The following RNF144A variants were observed in gnomAD, a reference collection of about 807,000 sequenced individuals.
RNF144A encodes E3 ubiquitin-protein ligase RNF144A.
In RNF144A, 11 loss-of-function variants were observed where a neutral mutation model predicts 38.7. That is an observed-to-expected ratio of 0.28 (90% CI 0.18 to 0.47). The LOEUF (loss-of-function observed/expected upper bound fraction) is 0.47. Ranked by LOEUF, RNF144A falls within the 20% of genes least tolerant of loss-of-function variation. The pLI is 0.99. For missense variants in RNF144A, 316 were observed against 377.2 expected (o/e 0.84, Z 1.34); for synonymous variants, 149 against 143.9 (o/e 1.04, Z -0.25).
chr2:7,000,723 T>A (rs1338799885), intron 3 of RNF144A, among the ~76,000 whole-genome samples: 1 of 152,112 alleles, frequency 6.6e-6, no homozygotes, highest in African/African-American at 2.4e-5. Context: ...CCTAGTTATC[T>A]GGGAAGGTAG....
At position 6,991,927 on chromosome 2, in the gene RNF144A, C is replaced by T. The variant is rs145298700; in HGVS notation, c.-11-4989C>T. Reference sequence around the variant, plus strand: ...TTCCTACCCTTGAATAATGTATCGTCAAGTTGGGGAGGTAAATTCACACAT... The same window carrying T: ...TTCCTACCCTTGAATAATGTATCGTTAAGTTGGGGAGGTAAATTCACACAT... On this transcript the variant is annotated intron_variant, in intron 2 of 8. Transcript: ENST00000320892. Among the ~76,000 whole-genome samples the T allele has an allele frequency of 2.5e-3, 388 of 152,252 alleles. 1 individual carries two copies. Among genetic ancestry groups the T allele is most frequent in the African/African-American group, 8.9e-3 (370 of 41,538 alleles).
intron 2 of RNF144A, among the ~76,000 whole-genome samples, chr2:6,942,373 C>T (rs1340111086): frequency 6.6e-6 from 1 of 151,938 alleles, no homozygotes; most frequent in Non-Finnish European, 1.5e-5. Flanking sequence ...TCTCAGAGGA[C>T]GTTGGAGAGG....
intron 7 of RNF144A, among the ~76,000 whole-genome samples, chr2:7,028,254 G>A (rs1028424819): frequency 2.0e-5 from 3 of 152,224 alleles, no homozygotes; most frequent in African/African-American, 7.2e-5. Flanking sequence ...CGATGAAAGA[G>A]GATGTGAACT....
chr2:6,973,944 G>A lies in RNF144A; in HGVS notation c.-11-22972G>A, dbSNP rs562159866. 7.2e-5 allele frequency among the ~76,000 whole-genome samples: 11 copies of A among 152,336 alleles called. No homozygotes were observed. The South Asian group carries it at 1.9e-3, about 26-fold the overall frequency. On this transcript the variant is annotated intron_variant, in intron 2 of 8. Transcript: ENST00000320892. ...ATCTTGCTCTTAGCAGGAAGACTTT[G>A]CCAGTCTCTGGTCCACACTGTTACT...
chr2:6,989,401 T>A (rs763144021), intron 2 of RNF144A, among the ~76,000 whole-genome samples: 3 of 152,234 alleles, frequency 2.0e-5, no homozygotes, highest in Non-Finnish European at 4.4e-5. Context: ...GCTTCAGAAC[T>A]GTTAACTCAT....
intron 1 of RNF144A, among the ~76,000 whole-genome samples, chr2:6,918,045 C>T (rs530658075): frequency 7.2e-5 from 11 of 152,008 alleles, no homozygotes; most frequent in South Asian, 2.1e-4. Flanking sequence ...TTTCAAGGTT[C>T]GCGGCCCCGC....
chr2:7,047,523 C>T (rs760617239), downstream of RNF144A, among the ~76,000 whole-genome samples: 10 of 152,148 alleles, frequency 6.6e-5, no homozygotes, highest in Non-Finnish European at 1.2e-4. Context: ...TTCACTATCA[C>T]GAGAATAGCG....
intron 2 of RNF144A, among the ~76,000 whole-genome samples, chr2:6,953,335 A>C (rs1666804558): frequency 6.6e-6 from 1 of 152,142 alleles, no homozygotes; most frequent in Non-Finnish European, 1.5e-5. Flanking sequence ...AGGCTGAGGC[A>C]GGAGAATTGC....
chr2:7,043,371 C>G lies in RNF144A; in HGVS notation c.*3611C>G. The G allele has an allele frequency of 1.0e-6, 1 of 984,814 alleles. No homozygotes were observed. The highest frequency in any genetic ancestry group is 1.2e-6 in the Non-Finnish European group (1 of 829,456). The allele number at this position is 984,814 out of a possible 1,614,324, so 61.0% of individuals were successfully genotyped here. Reference sequence around the variant, plus strand: ...TTACAAATTAAAAAAACATTTTTTTCTTGGTAGTCTTTAAAAATTAGGGGA... The same window carrying G: ...TTACAAATTAAAAAAACATTTTTTTGTTGGTAGTCTTTAAAAATTAGGGGA... On this transcript the variant is annotated 3_prime_UTR_variant, in exon 9 of 9. Transcript: ENST00000320892.
At chr2:6,998,502 C>G (rs886733843) in intron 3 of RNF144A, among the ~76,000 whole-genome samples, 2 of 152,226 alleles carry the variant, frequency 1.3e-5, no homozygotes, top group Non-Finnish European at 2.9e-5. Flanking sequence ...ATTTCTGGCC[C>G]ATTCTGTATC....
intron 3 of RNF144A, among the ~76,000 whole-genome samples, chr2:7,004,756 C>T (rs1196254066): frequency 6.6e-6 from 1 of 152,212 alleles, no homozygotes; most frequent in Non-Finnish European, 1.5e-5. Context: ...CGTTTCTCAG[C>T]TCTTCAAACA....
chr2:7,066,291 G>A (rs913090048), intron 6 of RNF144A, among the ~76,000 whole-genome samples: 2 of 152,044 alleles, frequency 1.3e-5, no homozygotes, highest in Middle Eastern at 3.2e-3. Flanking sequence ...GTTTCACCGT[G>A]TTAGCCAGGA....
Position 6,931,016 on chromosome 2 carries a change from A to G in RNF144A, c.-211-9932A>G, listed in dbSNP as rs575110166. On this transcript the variant is annotated intron_variant, in intron 1 of 8. Transcript: ENST00000320892. ...ATTAATAAACTGGACAAAGCCATGC[A>G]AGCAACCACATTGCTCCTAAACGGC... is the stretch of plus-strand genomic sequence containing the variant. Among the ~76,000 whole-genome samples, 3 of 152,378 alleles carry G rather than the reference A, an allele frequency of 2.0e-5. No homozygotes were observed. The East Asian group carries it at 5.8e-4, about 29-fold the overall frequency.
chr2:7,003,372 T>C (rs1228060151), intron 3 of RNF144A, among the ~76,000 whole-genome samples: 1 of 152,222 alleles, frequency 6.6e-6, no homozygotes, highest in Non-Finnish European at 1.5e-5. Context: ...GCTCTATTCA[T>C]GGTAAGCGCC....
At chr2:7,037,686 C>T (rs1572459282) in intron 8 of RNF144A, among the ~76,000 whole-genome samples, 2 of 152,178 alleles carry the variant, frequency 1.3e-5, no homozygotes, top group African/African-American at 2.4e-5. Flanking sequence ...CGTACGTGTG[C>T]ATGTGTTGGT....
At chr2:6,996,029 T>G (rs1032502932) in intron 2 of RNF144A, among the ~76,000 whole-genome samples, 1 of 152,224 alleles carries the variant, frequency 6.6e-6, no homozygotes, top group African/African-American at 2.4e-5. Context: ...GGAACTGTTT[T>G]GGGCAGTTCT....
rs115074108 is a variant in RNF144A at position 7,034,945 on chromosome 2, G to A, written c.748-4684G>A. 1.3e-3 allele frequency among the ~76,000 whole-genome samples: 191 copies of A among 152,266 alleles called. 1 individual carries two copies. The highest frequency in any genetic ancestry group is 4.2e-3 in the African/African-American group (174 of 41,556). ...GGTGTCTTGCTGTAGACTTAAGTCT[G>A]TATGGCACTAGGGAGCCAGAGAAGG... On this transcript the variant is annotated intron_variant, in intron 8 of 8. Coordinates refer to ENST00000320892, the MANE Select transcript of RNF144A (RefSeq NM_014746.6).
intron 2 of RNF144A, among the ~76,000 whole-genome samples, chr2:6,942,939 G>A (rs781708873): frequency 3.4e-4 from 52 of 152,140 alleles, no homozygotes; most frequent in Middle Eastern, 3.2e-3. Context: ...AGCTGAGTTC[G>A]TGGCATTGCA....
At chr2:6,933,947 TTTTTTG>T (rs988815050) in intron 1 of RNF144A, among the ~76,000 whole-genome samples, 1 of 152,138 alleles carries the variant, frequency 6.6e-6, no homozygotes, top group South Asian at 2.1e-4. Flanking sequence ...GCTTCCAGGG[TTTTTTG>T]TTTTTGTTTT....
Sources: gnomAD v4.1 joint callset for allele counts (sites outside exome capture counted in the v4.1 genomes callset) on GRCh38, gnomAD v4.1.1 for gene constraint, MANE v1.5 for transcripts, NCBI Gene and HGNC (gene_info 2026-07-23, HGNC 2026-07-21) for gene names.